MPHOSPH8: variants seen among roughly 807,000 people sequenced by gnomAD.
MPHOSPH8 encodes the protein M-phase phosphoprotein, mpp.
In MPHOSPH8, 45 loss-of-function variants were observed where a neutral mutation model predicts 87.3. That is an observed-to-expected ratio of 0.52 (90% confidence interval 0.41 to 0.66). The LOEUF is 0.66. MPHOSPH8 is among the 30% of genes least tolerant of loss of function. The probability of loss-of-function intolerance (pLI) is 0.00; values close to 1 mark genes in which losing one functional copy is unlikely to be tolerated. For synonymous variants in MPHOSPH8, 366 were observed against 376.9 expected, an observed-to-expected ratio of 0.97 and a Z score of 0.33; for missense variants, 883 against 1,020.2, an observed-to-expected ratio of 0.87 and a Z score of 1.83.
chr13:19,657,314 G>A (rs553647718), intron 5 of MPHOSPH8, among the ~76,000 whole-genome samples: 24 of 151,974 alleles, frequency 1.6e-4, no homozygotes, highest in African/African-American at 5.8e-4. Context: ...TCAGAAGTTC[G>A]AGACCAGCCT....
At position 19,633,699 on chromosome 13, in the gene MPHOSPH8, G is replaced by A. The variant is rs188039810; in HGVS notation, c.-50G>A. 7.1e-6 allele frequency: 11 copies of A among 1,542,158 alleles called. No individual in the cohort carries two copies. The Admixed American group carries it at 9.8e-5, about 14-fold the overall frequency. On this transcript the variant is annotated 5_prime_UTR_variant, in exon 1 of 14. Coordinates refer to ENST00000361479, the MANE Select transcript of MPHOSPH8 (RefSeq NM_017520.4). The stretch of plus-strand genomic sequence containing the variant: ...CGAGCGCGGAACGCGAGGGGCTGCT[G>A]GGGTGTTTGTCGCAGCGGGTTTTCC...
rs1874336429 is a variant in MPHOSPH8, at chr13:19,642,285, C to T, written c.369+15C>T. On this transcript the variant is annotated intron_variant, in intron 2 of 13. Coordinates refer to ENST00000361479, the MANE Select transcript of MPHOSPH8 (RefSeq NM_017520.4). ...AGGATATTCAGGTACTATGTTTTGT[C>T]TCATATTTGTTTTTACATACATAAA... 6.4e-7 allele frequency: 1 copy of T among 1,563,788 alleles called. No homozygotes were observed. Among genetic ancestry groups the T allele is most frequent in the South Asian group, 1.2e-5 (1 of 83,610 alleles).
chr13:19,666,883 CG>C (rs1565943879), intron 10 of MPHOSPH8, among the ~76,000 whole-genome samples: 2 of 152,088 alleles, frequency 1.3e-5, no homozygotes, highest in South Asian at 2.1e-4. Flanking sequence ...TAAACTTGGC[CG>C]GGCGCAGTGG....
chr13:19,640,542 C>CTT (rs879353279), intron 1 of MPHOSPH8, among the ~76,000 whole-genome samples: 2 of 142,272 alleles, frequency 1.4e-5, no homozygotes, highest in Non-Finnish European at 3.1e-5. Context: ...AATGGCTTGC[C>CTT]TTTTTTTTTT....
At chr13:19,663,529 C>T (rs376413279) in intron 9 of MPHOSPH8, among the ~76,000 whole-genome samples, 10 of 152,322 alleles carry the variant, frequency 6.6e-5, no homozygotes, top group South Asian at 2.1e-4. Context: ...AGGGGTGGGA[C>T]GGAGTTCCTC....
At chr13:19,635,322 C>T (rs1272535295) in intron 1 of MPHOSPH8, among the ~76,000 whole-genome samples, 2 of 152,140 alleles carry the variant, frequency 1.3e-5, no homozygotes, top group African/African-American at 4.8e-5. Flanking sequence ...GGTTCGAGAC[C>T]AGCCTGGCCA....
intron 1 of MPHOSPH8, among the ~76,000 whole-genome samples, chr13:19,635,500 C>G (rs1873960365): frequency 6.6e-6 from 1 of 152,144 alleles, no homozygotes; most frequent in Non-Finnish European, 1.5e-5. Context: ...TGCCCTCCAG[C>G]CTGGGCGACA....
At chr13:19,646,294 A>G (rs1183397439) in intron 2 of MPHOSPH8, 149 bp from the exon 3 acceptor site, 12 of 640,784 alleles carry the variant, frequency 1.9e-5, no homozygotes, top group Middle Eastern at 4.6e-4. Context: ...TAGAGGTAGC[A>G]TACGATTTCA....
intron 9 of MPHOSPH8, among the ~76,000 whole-genome samples, chr13:19,664,337 T>G (rs1470739568): frequency 1.3e-5 from 2 of 152,086 alleles, no homozygotes; most frequent in South Asian, 2.1e-4. Context: ...AAGCATCATC[T>G]TAGTGACAGA....
intron 4 of MPHOSPH8, 30 bp from the exon 5 acceptor site, chr13:19,649,973 C>G: frequency 6.6e-7 from 1 of 1,506,544 alleles, no homozygotes; most frequent in Non-Finnish European, 9.0e-7. Context: ...GTGACTCATA[C>G]TTAACCATCT....
chr13:19,659,912 C>T (rs1875419682), intron 7 of MPHOSPH8, among the ~76,000 whole-genome samples: 1 of 148,716 alleles, frequency 6.7e-6, no homozygotes, highest in African/African-American at 2.5e-5. Flanking sequence ...AATGGTCCAT[C>T]TCTCCTGTTG....
chr13:19,670,583 A>G (rs573337347), intron 12 of MPHOSPH8, among the ~76,000 whole-genome samples: 7 of 152,186 alleles, frequency 4.6e-5, no homozygotes, highest in South Asian at 2.1e-4. Context: ...TGTGCTCACC[A>G]TACTGTCTTA....
Position 19,668,381 on chromosome 13 carries a change from T to G in MPHOSPH8, c.2179T>G (p.Ser727Ala). 9 of 1,612,346 alleles carry G rather than the reference T, an allele frequency of 5.6e-6. No homozygotes were observed. The highest frequency in any genetic ancestry group is 7.6e-6 in the Non-Finnish European group (9 of 1,179,500). ...DLLKNHLETL[S>A]RVAEETIKDY... ...CGTACTATTTTTTTTTCTTAGACTT[T>G]CAAGAGTAGCAGAAGAGACAATAAA... Residue 727 changes from serine to alanine, a missense_variant, in exon 11 of 14, where the codon TCA (serine) becomes GCA (alanine). Transcript: ENST00000361479.
At chr13:19,670,189 A>G (rs747772806) in intron 11 of MPHOSPH8, 47 bp from the exon 12 acceptor site, 13 of 1,610,772 alleles carry the variant, frequency 8.1e-6, no homozygotes, top group Middle Eastern at 1.7e-4. Context: ...TCCTCTGGGG[A>G]CTGAAGGTTG....
intron 5 of MPHOSPH8, among the ~76,000 whole-genome samples, chr13:19,657,698 A>T (rs1230199341): frequency 1.3e-5 from 2 of 152,126 alleles, no homozygotes; most frequent in Non-Finnish European, 2.9e-5. Context: ...CAGCCTTTCC[A>T]GTGGTTCTGG....
chr13:19,667,682 T>A (rs1875891432), intron 10 of MPHOSPH8, among the ~76,000 whole-genome samples: 1 of 152,246 alleles, frequency 6.6e-6, no homozygotes, highest in Non-Finnish European at 1.5e-5. Flanking sequence ...TGATAGTGCA[T>A]TTCTGTTTAG....
chr13:19,634,579 C>T (rs1256896246), intron 1 of MPHOSPH8, among the ~76,000 whole-genome samples: 1 of 152,182 alleles, frequency 6.6e-6, no homozygotes, highest in Non-Finnish European at 1.5e-5. Context: ...CCCTCTTCTT[C>T]TGGTGAAATC....
chr13:19,659,179 CT>C (rs1486023406), intron 6 of MPHOSPH8, 21 bp from the exon 7 acceptor site: 5 of 1,607,900 alleles, frequency 3.1e-6, no homozygotes, highest in African/African-American at 1.3e-5. Context: ...TAAAATCTAA[CT>C]TATTTTTTCT....
intron 10 of MPHOSPH8, among the ~76,000 whole-genome samples, chr13:19,667,699 C>CT (rs1401382140): frequency 6.6e-6 from 1 of 152,166 alleles, no homozygotes; most frequent in East Asian, 1.9e-4. Flanking sequence ...TTAGCACTGA[C>CT]TAATATTCTG....
Sources: allele counts gnomAD v4.1 joint callset (sites outside exome capture counted in the v4.1 genomes callset), GRCh38; gene constraint gnomAD v4.1.1; transcripts MANE v1.5; gene names NCBI Gene and HGNC (gene_info 2026-07-23, HGNC 2026-07-21).